Variants in FRMD4A observed in about 807,000 individuals in gnomAD.
FRMD4A encodes the protein FERM domain-containing protein 4A.
A neutral mutation model predicts 129.1 loss-of-function variants in FRMD4A; 29 were observed. The ratio of observed to expected loss-of-function variants is 0.22; its 90% CI spans 0.17 to 0.31. The LOEUF is 0.31. Among genes scored for constraint, FRMD4A ranks in the 10% least tolerant of loss-of-function variants. The pLI is 1.00. For missense variants in FRMD4A, 1,272 were observed against 1,375.8 expected (o/e 0.92, Z 1.19); for synonymous variants, 634 against 571.6 (o/e 1.11, Z -1.56).
rs757939151 is a variant in FRMD4A at position 13,659,434 on chromosome 10, T to G, written c.1955A>C (p.Asn652Thr). ...GCGGATGGGGCTGTTCTGCAAGGAG[T>G]TGCTTCCTCCGCCGGCTTCCGCACA... is the stretch of plus-strand genomic sequence containing the variant. ...GSCAEAGGGSNSLQNSPIRGL... is the reference protein window; with the variant it reads ...GSCAEAGGGSTSLQNSPIRGL... Residue 652 changes from asparagine to threonine, a missense_variant, in exon 21 of 25, where the codon AAC (asparagine) becomes ACC (threonine). This residue lies in a region of FRMD4A where 972 missense variants were observed against 892.3 expected (regional missense o/e 1.09). Coordinates refer to ENST00000357447, the MANE Select transcript of FRMD4A (RefSeq NM_018027.5). The G allele has an allele frequency of 1.1e-5, 17 of 1,613,572 alleles. No individual in the cohort carries two copies. The highest frequency in any genetic ancestry group is 1.4e-5 in the Non-Finnish European group (17 of 1,179,934).
At chr10:13,991,426 G>C (rs937771954) in intron 2 of FRMD4A, among the ~76,000 whole-genome samples, 5 of 152,144 alleles carry the variant, frequency 3.3e-5, no homozygotes, top group African/African-American at 9.7e-5. Context: ...TTCCTCCAAC[G>C]GGACCCCCTC....
intron 2 of FRMD4A, among the ~76,000 whole-genome samples, chr10:14,056,813 G>A (rs780924152): frequency 2.0e-5 from 3 of 152,216 alleles, no homozygotes; most frequent in Non-Finnish European, 4.4e-5. Context: ...CTTCTAGGGA[G>A]AGAAACGAGC....
intron 2 of FRMD4A, among the ~76,000 whole-genome samples, chr10:13,900,388 C>A (rs764450434): frequency 6.6e-6 from 1 of 152,180 alleles, no homozygotes; most frequent in Non-Finnish European, 1.5e-5. Flanking sequence ...GACTGCAACT[C>A]ATGGCAACAA....
chr10:14,066,599 TC>T (rs1432962012), intron 2 of FRMD4A, among the ~76,000 whole-genome samples: 1 of 152,086 alleles, frequency 6.6e-6, no homozygotes, highest in African/African-American at 2.4e-5. Flanking sequence ...ACACACAGCA[TC>T]CAAAGAATTC....
At chr10:14,041,777 C>G (rs957703316) in intron 2 of FRMD4A, among the ~76,000 whole-genome samples, 4 of 152,168 alleles carry the variant, frequency 2.6e-5, no homozygotes, top group Non-Finnish European at 5.9e-5. Context: ...ATGGATCAAT[C>G]TTATAAGTAT....
At chr10:13,663,353 T>C in intron 19 of FRMD4A, 100 bp downstream of exon 19, 1 of 727,178 alleles carries the variant, frequency 1.4e-6, no homozygotes, top group Non-Finnish European at 2.5e-6. Flanking sequence ...CCTTTTGGCC[T>C]GGCTCTTGCC....
At chr10:13,975,604 C>A (rs115587815) in intron 2 of FRMD4A, among the ~76,000 whole-genome samples, 1 of 148,816 alleles carries the variant, frequency 6.7e-6, no homozygotes, top group Non-Finnish European at 1.5e-5. Context: ...GTGTCTGTCT[C>A]GTGTGTGTCT....
chr10:13,985,164 C>T (rs1420843517), intron 2 of FRMD4A, among the ~76,000 whole-genome samples: 5 of 152,242 alleles, frequency 3.3e-5, no homozygotes, highest in African/African-American at 9.6e-5. Context: ...GGTTTGCCTT[C>T]GCATTCCGGG....
At chr10:14,143,984 A>T (rs1183661765) in intron 2 of FRMD4A, among the ~76,000 whole-genome samples, 1 of 152,164 alleles carries the variant, frequency 6.6e-6, no homozygotes, top group Non-Finnish European at 1.5e-5. Context: ...CAAAATGTTG[A>T]ATATATGCAA....
intron 2 of FRMD4A, among the ~76,000 whole-genome samples, chr10:14,075,043 G>GT (rs1564265116): frequency 6.6e-6 from 1 of 152,074 alleles, no homozygotes. Context: ...AATTAAAAAA[G>GT]CAAGCAAACT....
At chr10:13,760,133 G>A (rs2092012801) in intron 8 of FRMD4A, among the ~76,000 whole-genome samples, 1 of 151,352 alleles carries the variant, frequency 6.6e-6, no homozygotes, top group Admixed American at 6.6e-5. Context: ...AACACAATCA[G>A]GCTCATCCAT....
chr10:13,828,284 C>T (rs1252945411), intron 3 of FRMD4A, among the ~76,000 whole-genome samples: 1 of 152,090 alleles, frequency 6.6e-6, no homozygotes, highest in Non-Finnish European at 1.5e-5. Context: ...ATCCGTTGTA[C>T]CCATTAGGTC....
chr10:14,080,703 G>C (rs1588929364), intron 2 of FRMD4A, among the ~76,000 whole-genome samples: 1 of 151,960 alleles, frequency 6.6e-6, no homozygotes. Context: ...CTGCGAGGGA[G>C]GATATTCAGC....
chr10:13,740,103 G>T, intron 11 of FRMD4A, 91 bp downstream of exon 11: 1 of 816,278 alleles, frequency 1.2e-6, no homozygotes. Context: ...TATCTCAAAA[G>T]AAAAAGAAAA....
chr10:13,782,368 G>A (rs1429431984), intron 6 of FRMD4A, among the ~76,000 whole-genome samples: 1 of 151,648 alleles, frequency 6.6e-6, no homozygotes, highest in Admixed American at 6.6e-5. Flanking sequence ...TTTAAAATAA[G>A]GTTAGGAAAC....
chr10:13,792,172 C>T (rs975966626), intron 5 of FRMD4A, among the ~76,000 whole-genome samples: 3 of 152,206 alleles, frequency 2.0e-5, no homozygotes, highest in African/African-American at 7.2e-5. Context: ...GCTGGCAGGC[C>T]TGGCGGTGGC....
chr10:14,303,341 C>G (rs1191926727), intron 2 of FRMD4A, among the ~76,000 whole-genome samples: 1 of 152,092 alleles, frequency 6.6e-6, no homozygotes, highest in Non-Finnish European at 1.5e-5. Flanking sequence ...GGGGTGAGAC[C>G]CAAGATTCTG....
chr10:13,932,147 C>T (rs1379955210), intron 2 of FRMD4A, among the ~76,000 whole-genome samples: 1 of 152,202 alleles, frequency 6.6e-6, no homozygotes, highest in Non-Finnish European at 1.5e-5. Context: ...GACCCATTGA[C>T]CAAGTCTAAG....
intron 2 of FRMD4A, among the ~76,000 whole-genome samples, chr10:14,195,294 C>T (rs1366828844): frequency 3.3e-5 from 5 of 151,984 alleles, no homozygotes; most frequent in Admixed American, 1.3e-4. Context: ...AACCAGAAAC[C>T]GAAGCTCCAG....
Sources: allele counts gnomAD v4.1 joint callset (sites outside exome capture counted in the v4.1 genomes callset), GRCh38; gene constraint gnomAD v4.1.1; regional missense constraint gnomAD v4.1.1; transcripts MANE v1.5; gene names NCBI Gene and HGNC (gene_info 2026-07-23, HGNC 2026-07-21).